Variants in DGKI observed in about 807,000 individuals in gnomAD.
The protein encoded by DGKI is diacylglycerol kinase iota, also known as DAG kinase iota.
DGKI carries 55 observed loss-of-function variants against 147.5 expected under a neutral mutation model. The observed-to-expected ratio is 0.37, with a 90% CI of 0.30 to 0.47. The LOEUF (loss-of-function observed/expected upper bound fraction) is 0.47, where lower values mean the gene tolerates loss of function less well. Among genes scored for constraint, DGKI ranks in the 20% least tolerant of loss-of-function variants. The probability of loss-of-function intolerance (pLI) is 1.00; values close to 1 mark genes in which losing one functional copy is unlikely to be tolerated. For synonymous variants in DGKI, 469 were observed against 477.1 expected, an observed-to-expected ratio of 0.98 and a Z score of 0.22; for missense variants, 1,007 against 1,323.8, an observed-to-expected ratio of 0.76 and a Z score of 3.71.
chr7:137,471,922 A>C (rs954379005), intron 23 of DGKI, among the ~76,000 whole-genome samples: 1 of 142,104 alleles, frequency 7.0e-6, no homozygotes. Context: ...CTCTATATGT[A>C]TATATGTATA....
Position 137,744,436 on chromosome 7 carries a change from C to T in DGKI, c.402-54434G>A, listed in dbSNP as rs181110307. Among the ~76,000 whole-genome samples, 487 of 152,168 alleles carry T rather than the reference C, an allele frequency of 3.2e-3. 3 individuals carry two copies. The highest frequency in any genetic ancestry group is 0.011 in the African/African-American group (469 of 41,534). ...TACCATCCAAAAAAACCTGGGACCA[C>T]ATGGATTTACAACCAAATTCTACCA... On this transcript the variant is annotated intron_variant, in intron 1 of 32. Transcript: ENST00000614521.
At chr7:137,563,536 A>G (rs1818486040) in intron 19 of DGKI, among the ~76,000 whole-genome samples, 1 of 152,042 alleles carries the variant, frequency 6.6e-6, no homozygotes, top group Non-Finnish European at 1.5e-5. Flanking sequence ...AACCTAAGGA[A>G]TCTATTAAAA....
chr7:137,425,578 G>C (rs1388576417), intron 28 of DGKI, among the ~76,000 whole-genome samples: 4 of 152,182 alleles, frequency 2.6e-5, no homozygotes, highest in African/African-American at 4.8e-5. Context: ...AGAGAAGAAG[G>C]CTTCAGACGA....
At chr7:137,497,987 G>A (rs532791489) in intron 21 of DGKI, among the ~76,000 whole-genome samples, 28 of 151,978 alleles carry the variant, frequency 1.8e-4, no homozygotes, top group East Asian at 1.5e-3. Flanking sequence ...ATGAACTTGC[G>A]CAAAGAAAAA....
chr7:137,519,237 A>G (rs550988317), intron 21 of DGKI, among the ~76,000 whole-genome samples: 1 of 152,222 alleles, frequency 6.6e-6, no homozygotes, highest in East Asian at 1.9e-4. Flanking sequence ...AAAATAAGCA[A>G]AGCAATTTAA....
chr7:137,610,703 G>A (rs1046815701), intron 8 of DGKI, among the ~76,000 whole-genome samples: 1 of 152,138 alleles, frequency 6.6e-6, no homozygotes, highest in South Asian at 2.1e-4. Flanking sequence ...AAATGCAAAT[G>A]TCTATTCTAC....
At chr7:137,493,073 C>T (rs1168711469) in intron 21 of DGKI, among the ~76,000 whole-genome samples, 2 of 152,180 alleles carry the variant, frequency 1.3e-5, no homozygotes, top group African/African-American at 4.8e-5. Flanking sequence ...CTACCCTTCC[C>T]TGCTGGGACG....
At chr7:137,618,156 T>A (rs1820611978) in intron 8 of DGKI, among the ~76,000 whole-genome samples, 1 of 94,938 alleles carries the variant, frequency 1.1e-5, no homozygotes, top group African/African-American at 3.0e-5. Flanking sequence ...TATATATTTT[T>A]TTTTTTTTAC....
intron 28 of DGKI, among the ~76,000 whole-genome samples, chr7:137,439,044 C>T (rs1414413612): frequency 6.6e-6 from 1 of 152,142 alleles, no homozygotes; most frequent in Non-Finnish European, 1.5e-5. Context: ...GGGAAGGGGA[C>T]ATAATTAGGG....
chr7:137,533,826 T>C (rs997944355), intron 20 of DGKI, among the ~76,000 whole-genome samples: 1 of 152,150 alleles, frequency 6.6e-6, no homozygotes, highest in Admixed American at 6.6e-5. Context: ...TTAATTTTTA[T>C]AATGGCCCAA....
intron 28 of DGKI, among the ~76,000 whole-genome samples, chr7:137,416,433 T>A (rs983400409): frequency 1.3e-5 from 2 of 152,088 alleles, no homozygotes; most frequent in Admixed American, 6.6e-5. Flanking sequence ...GAGATAAAAG[T>A]AAGTCATGGT....
intron 7 of DGKI, among the ~76,000 whole-genome samples, chr7:137,620,561 T>C (rs933432114): frequency 2.0e-5 from 3 of 152,152 alleles, no homozygotes; most frequent in Non-Finnish European, 4.4e-5. Flanking sequence ...TACAAAGAGA[T>C]TGCTTCTGTT....
chr7:137,407,369 A>C (rs1278299138), intron 30 of DGKI, among the ~76,000 whole-genome samples: 1 of 152,254 alleles, frequency 6.6e-6, no homozygotes, highest in Non-Finnish European at 1.5e-5. Flanking sequence ...ACAACACAAT[A>C]GTACCAGACA....
Position 137,703,849 on chromosome 7 carries a change from A to G in DGKI, c.402-13847T>C, listed in dbSNP as rs1017669620. 3.9e-5 allele frequency among the ~76,000 whole-genome samples: 6 copies of G among 152,328 alleles called. No homozygotes were observed. The South Asian group carries it at 8.3e-4, about 21-fold the overall frequency. On this transcript the variant is annotated intron_variant, in intron 1 of 32. Coordinates refer to ENST00000614521, the MANE Select transcript of DGKI (RefSeq NM_001321708.2). The stretch of plus-strand genomic sequence containing the variant: ...TTTATGAGATATGCAAAGAAACAAG[A>G]AAGTATCACGCATACACAGGAAATG...
chr7:137,698,232 T>C (rs1823862178), intron 1 of DGKI, among the ~76,000 whole-genome samples: 1 of 152,008 alleles, frequency 6.6e-6, no homozygotes, highest in Non-Finnish European at 1.5e-5. Context: ...TATCTTACCT[T>C]CAAAGCAATA....
intron 1 of DGKI, among the ~76,000 whole-genome samples, chr7:137,834,683 G>A (rs1410578781): frequency 6.6e-6 from 1 of 152,192 alleles, no homozygotes; most frequent in African/African-American, 2.4e-5. Context: ...AACAAAGTTT[G>A]CTCCCTTAAC....
Position 137,642,842 on chromosome 7 carries a change from G to A in DGKI, c.804+2630C>T, listed in dbSNP as rs77422017. 6.7e-3 allele frequency among the ~76,000 whole-genome samples: 1,013 copies of A among 150,496 alleles called. 4 individuals are homozygous for A. The highest frequency in any genetic ancestry group is 0.017 in the African/African-American group (691 of 40,896). ...ACTTCCTAAAAAATCTGTAAAGTTT[G>A]CAAGCCATCAGTTGGAAAAAAAAAA... is the stretch of plus-strand genomic sequence containing the variant. On this transcript the variant is annotated intron_variant, in intron 6 of 32. Transcript: ENST00000614521.
intron 20 of DGKI, among the ~76,000 whole-genome samples, chr7:137,530,593 T>C (rs1817305868): frequency 6.6e-6 from 1 of 152,196 alleles, no homozygotes; most frequent in Admixed American, 6.5e-5. Context: ...CCACTACATA[T>C]GTTTAATATG....
chr7:137,700,536 C>A (rs1823941905), intron 1 of DGKI, among the ~76,000 whole-genome samples: 1 of 152,178 alleles, frequency 6.6e-6, no homozygotes, highest in African/African-American at 2.4e-5. Flanking sequence ...CAAATTCTTT[C>A]TGATACCAAC....
Sources: allele counts gnomAD v4.1 joint callset (sites outside exome capture counted in the v4.1 genomes callset), GRCh38; gene constraint gnomAD v4.1.1; transcripts MANE v1.5; gene names NCBI Gene and HGNC (gene_info 2026-07-23, HGNC 2026-07-21).